The following CDH11 variants were observed in gnomAD, a reference collection of about 807,000 sequenced individuals.
CDH11 encodes cadherin 11.
In CDH11, 11 loss-of-function variants were observed where a neutral mutation model predicts 67.8. The observed-to-expected ratio is 0.16, with a 90% confidence interval of 0.10 to 0.27. The LOEUF is 0.27. Ranked by LOEUF, CDH11 falls within the 10% of genes least tolerant of loss-of-function variation. The probability of loss-of-function intolerance (pLI) is 1.00; values close to 1 mark genes in which losing one functional copy is unlikely to be tolerated. For synonymous variants in CDH11, 419 were observed against 400.0 expected, an observed-to-expected ratio of 1.05 and a Z score of -0.57; for missense variants, 847 against 1,031.2, an observed-to-expected ratio of 0.82 and a Z score of 2.45.
intron 7 of CDH11, chr16:64,982,759 T>C (rs1040681436): frequency 6.4e-6 from 1 of 157,212 alleles, no homozygotes; most frequent in Non-Finnish European, 1.4e-5. Context: ...TCCAGCTTGA[T>C]CATATTGAAA....
chr16:65,099,825 T>C (rs2074960905), intron 1 of CDH11, among the ~76,000 whole-genome samples: 1 of 152,010 alleles, frequency 6.6e-6, no homozygotes. Context: ...GCAGGGGTAA[T>C]ATGAGCTGCC....
intron 1 of CDH11, among the ~76,000 whole-genome samples, chr16:65,106,755 G>A (rs1266621504): frequency 6.6e-6 from 1 of 152,172 alleles, no homozygotes; most frequent in African/African-American, 2.4e-5. Flanking sequence ...ATGTATGCCA[G>A]GGCTGGACAG....
chr16:65,034,035 A>G (rs146183571), intron 2 of CDH11, among the ~76,000 whole-genome samples: 270 of 152,306 alleles, frequency 1.8e-3, no homozygotes, highest in Non-Finnish European at 3.5e-3. Context: ...GTGTCTCCCA[A>G]AAAGATGTTG....
chr16:64,952,896 T>A (rs1032931465), intron 11 of CDH11, among the ~76,000 whole-genome samples: 3 of 152,158 alleles, frequency 2.0e-5, no homozygotes, highest in African/African-American at 7.2e-5. Context: ...AAATGTATAA[T>A]CTTCCCTTGG....
chr16:65,004,554 G>A, intron 3 of CDH11, 88 bp downstream of exon 3: 1 of 1,340,932 alleles, frequency 7.5e-7, no homozygotes. Context: ...TCTCTTAGAT[G>A]CCTGTGGGCC....
At position 64,947,754 on chromosome 16, in the gene CDH11, C is replaced by T; in HGVS notation, c.2240G>A (p.Gly747Asp). 1 of 1,614,188 alleles carries T rather than the reference C, an allele frequency of 6.2e-7. No individual in the cohort carries two copies. The highest frequency in any genetic ancestry group is 8.5e-7 in the Non-Finnish European group (1 of 1,180,034). ...YDSIQIYGYEGRGSVAGSLSS... is the reference protein window; with the variant it reads ...YDSIQIYGYEDRGSVAGSLSS... ...CAGGGACCCGGCCACTGAGCCCCTGCCTTCATAACCGTAGATTTGAATGGA... is the reference window on the plus strand; with the variant it reads ...CAGGGACCCGGCCACTGAGCCCCTGTCTTCATAACCGTAGATTTGAATGGA... Residue 747 changes from glycine (G) to aspartate (D), a missense_variant, in exon 13 of 13, where the codon GGC becomes GAC. Gly to Asp is a moderately conservative substitution (Grantham distance 94, BLOSUM62 -1). Transcript: ENST00000268603.
intron 2 of CDH11, 139 bp downstream of exon 2, chr16:65,053,665 C>T: frequency 7.9e-6 from 3 of 381,574 alleles, no homozygotes; most frequent in South Asian, 5.9e-5. Context: ...GTAGGCCTTT[C>T]TCTCCCTCTC....
At chr16:65,076,249 A>G (rs1379404492) in intron 1 of CDH11, among the ~76,000 whole-genome samples, 1 of 151,626 alleles carries the variant, frequency 6.6e-6, no homozygotes, top group Non-Finnish European at 1.5e-5. Context: ...TCTCCCACAA[A>G]CTCCTCTTCC....
intron 1 of CDH11, among the ~76,000 whole-genome samples, chr16:65,086,703 G>T (rs1259957587): frequency 6.6e-6 from 1 of 152,164 alleles, no homozygotes; most frequent in East Asian, 1.9e-4. Context: ...AGAAGGCCAG[G>T]GTTAGGGCTC....
chr16:65,108,155 G>T (rs1261379045), intron 1 of CDH11, among the ~76,000 whole-genome samples: 1 of 152,056 alleles, frequency 6.6e-6, no homozygotes, highest in Admixed American at 6.6e-5. Context: ...GAGGAGTGGG[G>T]GTGATAGAGA....
intron 8 of CDH11, among the ~76,000 whole-genome samples, chr16:64,978,772 C>T (rs1047683542): frequency 6.6e-6 from 1 of 152,024 alleles, no homozygotes; most frequent in Admixed American, 6.5e-5. Context: ...TGACAACATA[C>T]ATAAAATTAT....
intron 2 of CDH11, among the ~76,000 whole-genome samples, chr16:65,013,895 A>G (rs2142555800): frequency 6.6e-6 from 1 of 152,254 alleles, no homozygotes; most frequent in African/African-American, 2.4e-5. Context: ...CAAGAGAAAA[A>G]GAGACAATGT....
At chr16:65,004,354 C>CAG (rs2072996774) in intron 3 of CDH11, among the ~76,000 whole-genome samples, 1 of 152,170 alleles carries the variant, frequency 6.6e-6, no homozygotes, top group Non-Finnish European at 1.5e-5. Flanking sequence ...GTCTGGGCAA[C>CAG]AGAGAGAGAC....
At position 65,004,665 on chromosome 16, in the gene CDH11, G is replaced by T; in HGVS notation, c.205C>A (p.Pro69Thr). ...QFFVIEEYTG[P>T]DPVLVGRLHS... Reference sequence around the variant, plus strand: ...ACCCTGCCCACAAGCACGGGGTCAGGCCCGGTGTACTCCTCTATCACGAAG... The same window carrying T: ...ACCCTGCCCACAAGCACGGGGTCAGTCCCGGTGTACTCCTCTATCACGAAG... Residue 69 changes from proline to threonine, a missense_variant, in exon 3 of 13, where the codon CCT becomes ACT. Coordinates refer to ENST00000268603, the MANE Select transcript of CDH11 (RefSeq NM_001797.4). 1.2e-6 allele frequency: 2 copies of T among 1,613,310 alleles called. No homozygotes were observed. The highest frequency in any genetic ancestry group is 1.8e-4 in the Middle Eastern group (1 of 5,670).
At chr16:65,054,384 G>A (rs1185693176) in intron 1 of CDH11, among the ~76,000 whole-genome samples, 1 of 152,196 alleles carries the variant, frequency 6.6e-6, no homozygotes, top group African/African-American at 2.4e-5. Flanking sequence ...ACAGGCTCAA[G>A]GATGAAGAGT....
intron 4 of CDH11, among the ~76,000 whole-genome samples, chr16:64,996,357 G>T (rs1469703915): frequency 6.6e-6 from 1 of 152,086 alleles, no homozygotes. Context: ...CAGTGTGGTG[G>T]CAGGCGCCTG....
At chr16:64,950,633 C>CCCCTCTTTTTTTTA in intron 12 of CDH11, 134 bp downstream of exon 12, 1 of 1,101,664 alleles carries the variant, frequency 9.1e-7, no homozygotes, top group Non-Finnish European at 1.3e-6. Flanking sequence ...CCCCGTACCC[C>CCCCTCTTTTTTTTA]ACTTCTTTTC....
chr16:65,032,803 A>G (rs16968351), intron 2 of CDH11, among the ~76,000 whole-genome samples: 16,900 of 152,252 alleles, frequency 0.11, 1,162 homozygotes, highest in African/African-American at 0.19. Context: ...TTATACTTGC[A>G]TACAGACATT....
chr16:65,035,308 C>A (rs574205887), intron 2 of CDH11, among the ~76,000 whole-genome samples: 76 of 152,292 alleles, frequency 5.0e-4, no homozygotes, highest in African/African-American at 1.5e-3. Context: ...TTACCTTTAT[C>A]TTACAAATGA....
Sources: gnomAD v4.1 joint callset for allele counts (sites outside exome capture counted in the v4.1 genomes callset) on GRCh38, gnomAD v4.1.1 for gene constraint, MANE v1.5 for transcripts, NCBI Gene and HGNC (gene_info 2026-07-23, HGNC 2026-07-21) for gene names.